Variants in BACH2 observed in about 807,000 individuals in gnomAD.
The protein encoded by BACH2 is transcription regulator protein BACH2.
BACH2 carries 5 observed loss-of-function variants against 61.8 expected under a neutral mutation model. The ratio of observed to expected loss-of-function variants is 0.08; its 90% CI spans 0.04 to 0.17. BACH2 has a LOEUF of 0.17. Among genes scored for constraint, BACH2 ranks in the 10% least tolerant of loss-of-function variants. BACH2 has a pLI of 1.00. For synonymous variants in BACH2, 446 were observed against 440.1 expected (o/e 1.01, Z -0.17); for missense variants, 824 against 1,091.1 (o/e 0.76, Z 3.45).
At chr6:90,286,046 A>C (rs1772008071) in intron 1 of BACH2, among the ~76,000 whole-genome samples, 1 of 152,232 alleles carries the variant, frequency 6.6e-6, no homozygotes, top group Non-Finnish European at 1.5e-5. Context: ...CATGGTAATA[A>C]ACAACTCACT....
chr6:89,967,370 A>C (rs750715306), intron 6 of BACH2, among the ~76,000 whole-genome samples: 1 of 152,172 alleles, frequency 6.6e-6, no homozygotes, highest in Non-Finnish European at 1.5e-5. Context: ...GGTGAATCAA[A>C]CTATTTCTGA....
intron 1 of BACH2, among the ~76,000 whole-genome samples, chr6:90,292,620 A>G (rs773502242): frequency 5.9e-5 from 9 of 152,042 alleles, no homozygotes; most frequent in Admixed American, 2.6e-4. Context: ...GCATCTTTCT[A>G]TTTTCCAGGT....
rs187312570 is a variant in BACH2 at position 89,931,855 on chromosome 6, T to C, written c.*553A>G. 1 of 152,252 alleles carries C rather than the reference T, an allele frequency of 6.6e-6. No homozygotes were observed. Among genetic ancestry groups the C allele is most frequent in the East Asian group, 1.9e-4 (1 of 5,324 alleles). 9.4% of individuals were successfully genotyped at this position (152,252 alleles called of 1,614,324 possible). ...CATCAGAGACAAAAGAAGAGGAATG[T>C]TGGAACCTGTTTCTAAATGAGAAAT... On this transcript the variant is annotated 3_prime_UTR_variant, in exon 9 of 9. Transcript: ENST00000257749.
intron 3 of BACH2, among the ~76,000 whole-genome samples, chr6:90,235,601 T>A (rs73507242): frequency 0.09 from 13,733 of 152,264 alleles, 739 homozygotes; most frequent in South Asian, 0.15. Flanking sequence ...GCAAAGAGGA[T>A]CCTTTCAGCC....
At chr6:90,231,454 A>AG (rs901719010) in intron 3 of BACH2, among the ~76,000 whole-genome samples, 1 of 152,184 alleles carries the variant, frequency 6.6e-6, no homozygotes, top group African/African-American at 2.4e-5. Flanking sequence ...CATTGAGTAA[A>AG]GGTACAACAT....
At chr6:90,147,628 C>G (rs1159645729) in intron 4 of BACH2, among the ~76,000 whole-genome samples, 1 of 152,090 alleles carries the variant, frequency 6.6e-6, no homozygotes, top group Non-Finnish European at 1.5e-5. Flanking sequence ...TATGATCAAC[C>G]TGTTTAAGCA....
At chr6:90,036,403 T>C (rs958915510) in intron 5 of BACH2, among the ~76,000 whole-genome samples, 1 of 152,148 alleles carries the variant, frequency 6.6e-6, no homozygotes, top group African/African-American at 2.4e-5. Flanking sequence ...GGGATAAAAA[T>C]GGCAAGTGGA....
chr6:90,097,842 T>C (rs973419469), intron 4 of BACH2, among the ~76,000 whole-genome samples: 1 of 152,046 alleles, frequency 6.6e-6, no homozygotes, highest in Non-Finnish European at 1.5e-5. Flanking sequence ...AAAAAAGAAG[T>C]AGAAAGAAAA....
chr6:90,205,360 C>T (rs770364286), intron 4 of BACH2, among the ~76,000 whole-genome samples: 1 of 152,200 alleles, frequency 6.6e-6, no homozygotes, highest in Non-Finnish European at 1.5e-5. Flanking sequence ...CTCATAGGAT[C>T]TGGCCCTTGC....
intron 4 of BACH2, among the ~76,000 whole-genome samples, chr6:90,196,619 T>C (rs1302860066): frequency 1.3e-5 from 2 of 152,218 alleles, no homozygotes; most frequent in East Asian, 1.9e-4. Context: ...AACACAGACA[T>C]TGTTAATTTC....
intron 5 of BACH2, among the ~76,000 whole-genome samples, chr6:90,011,691 G>T (rs530404447): frequency 6.6e-6 from 1 of 152,218 alleles, no homozygotes; most frequent in South Asian, 2.1e-4. Flanking sequence ...GGGAGGCTGA[G>T]GCAGGCAGGT....
chr6:89,967,965 C>A (rs896021009), intron 6 of BACH2, among the ~76,000 whole-genome samples: 1 of 152,160 alleles, frequency 6.6e-6, no homozygotes, highest in African/African-American at 2.4e-5. Flanking sequence ...CCTGCCTGGC[C>A]TTCCAAATTT....
At chr6:90,253,456 T>C (rs1770877585) in intron 2 of BACH2, among the ~76,000 whole-genome samples, 1 of 152,224 alleles carries the variant, frequency 6.6e-6, no homozygotes, top group African/African-American at 2.4e-5. Context: ...ATTTTCGATA[T>C]AGAAATTAGG....
intron 1 of BACH2, among the ~76,000 whole-genome samples, chr6:90,295,015 C>T (rs1772294767): frequency 6.6e-6 from 1 of 152,200 alleles, no homozygotes; most frequent in Admixed American, 6.5e-5. Context: ...ATACACTCAA[C>T]AGATGAAATT....
intron 6 of BACH2, among the ~76,000 whole-genome samples, chr6:89,993,663 G>A (rs1398116786): frequency 6.6e-6 from 1 of 152,238 alleles, no homozygotes; most frequent in East Asian, 1.9e-4. Context: ...CATGATGAAG[G>A]GAAACCACCT....
At chr6:90,000,382 ACTT>A (rs944414602) in intron 6 of BACH2, among the ~76,000 whole-genome samples, 8 of 152,132 alleles carry the variant, frequency 5.3e-5, no homozygotes, top group African/African-American at 1.7e-4. Context: ...AAATATTTTG[ACTT>A]CTTATTTATT....
At chr6:90,014,440 GTATATATA>G (rs1201471150) in intron 5 of BACH2, among the ~76,000 whole-genome samples, 6 of 48,038 alleles carry the variant, frequency 1.2e-4, no homozygotes, top group African/African-American at 3.2e-4. Flanking sequence ...GTGTGTGTGT[GTATATATA>G]TATATATATA....
chr6:90,111,069 A>G (rs2127815982), intron 4 of BACH2, among the ~76,000 whole-genome samples: 1 of 152,328 alleles, frequency 6.6e-6, no homozygotes, highest in East Asian at 1.9e-4. Context: ...AGGTGCCAGC[A>G]GTTTTCCCCA....
intron 3 of BACH2, among the ~76,000 whole-genome samples, chr6:90,229,947 C>T (rs1295845651): frequency 6.6e-6 from 1 of 152,232 alleles, no homozygotes; most frequent in African/African-American, 2.4e-5. Flanking sequence ...TCTCCAACAA[C>T]ATAACCCTGG....
Sources: gnomAD v4.1 joint callset for allele counts (sites outside exome capture counted in the v4.1 genomes callset) on GRCh38, gnomAD v4.1.1 for gene constraint, MANE v1.5 for transcripts, NCBI Gene and HGNC (gene_info 2026-07-23, HGNC 2026-07-21) for gene names.